RNF17: variants seen among roughly 807,000 people sequenced by gnomAD.
RNF17 encodes the protein spermatogenesis associated 23.
In RNF17, 31 loss-of-function variants were observed where a neutral mutation model predicts 200.5. That is an observed-to-expected ratio of 0.15 (90% CI 0.12 to 0.21). The LOEUF is 0.21. Among genes scored for constraint, RNF17 ranks in the 10% least tolerant of loss-of-function variants. The probability of loss-of-function intolerance (pLI) is 1.00; values close to 1 mark genes in which losing one functional copy is unlikely to be tolerated. For synonymous variants in RNF17, 606 were observed against 637.8 expected (o/e 0.95, Z 0.75); for missense variants, 1,628 against 1,905.1 (o/e 0.85, Z 2.71).
rs1555262370 is a variant in RNF17 at position 24,764,888 on chromosome 13, G to GGTGTGGGT, written c.130+560_130+561insGGTGTGTG. 3.4e-4 allele frequency among the ~76,000 whole-genome samples: 45 copies of GGTGTGGGT among 134,174 alleles called. No homozygotes were observed. In the East Asian group the frequency reaches 4.5e-3, roughly 13 times the overall value. The allele number at this position is 134,174 out of a possible 152,430, so 88.0% of individuals were successfully genotyped here. On this transcript the variant is annotated intron_variant, in intron 1 of 35. Transcript: ENST00000255324. The stretch of plus-strand genomic sequence containing the variant: ...ATAGTTTCTTTTGTGCACCTTGTGG[G>GGTGTGGGT]GTGTGTGTGTGTGTGTGTGTGTGTG...
chr13:24,799,008 G>A (rs1434853207), intron 11 of RNF17, among the ~76,000 whole-genome samples: 1 of 152,160 alleles, frequency 6.6e-6, no homozygotes, highest in East Asian at 1.9e-4. Flanking sequence ...CAGTGTACAT[G>A]TGTACATCAC....
At chr13:24,847,024 A>ATT (rs71186852) in intron 22 of RNF17, among the ~76,000 whole-genome samples, 63,749 of 149,730 alleles carry the variant, frequency 0.43, 13,692 homozygotes, top group South Asian at 0.51. Context: ...CCTGTGTGTG[A>ATT]TTTTTTTTTT....
At chr13:24,820,770 T>G (rs145472741) in intron 15 of RNF17, among the ~76,000 whole-genome samples, 112 of 152,266 alleles carry the variant, frequency 7.4e-4, no homozygotes, top group Non-Finnish European at 1.2e-3. Flanking sequence ...GAAACTGACT[T>G]ATAATCTTCT....
Position 24,827,659 on chromosome 13 carries a change from G to A in RNF17, c.2245+1887G>A, listed in dbSNP as rs543413237. ...GGAGCTTGCAGTGAGCCGAGATCCC[G>A]CCACTGCACTCCAGCCTGGGCGACA... On this transcript the variant is annotated intron_variant, in intron 16 of 35. Coordinates refer to ENST00000255324, the MANE Select transcript of RNF17 (RefSeq NM_031277.3). Among the ~76,000 whole-genome samples the A allele has an allele frequency of 1.8e-3, 205 of 112,606 alleles. 2 individuals are homozygous for A. The East Asian group carries it at 0.029, about 16-fold the overall frequency. The allele number at this position is 112,606 out of a possible 152,430, so 73.9% of individuals were successfully genotyped here.
At chr13:24,783,936 G>T (rs1303838637) in intron 6 of RNF17, among the ~76,000 whole-genome samples, 1 of 152,200 alleles carries the variant, frequency 6.6e-6, no homozygotes, top group Non-Finnish European at 1.5e-5. Context: ...GCAAAAGCAG[G>T]TACGTCTTGT....
At chr13:24,808,269 T>C (rs1886142808) in intron 15 of RNF17, among the ~76,000 whole-genome samples, 1 of 152,056 alleles carries the variant, frequency 6.6e-6, no homozygotes, top group South Asian at 2.1e-4. Flanking sequence ...TGATTCTTCC[T>C]GCCCATGAGC....
At chr13:24,861,508 C>T in intron 27 of RNF17, 121 bp downstream of exon 27, 2 of 642,490 alleles carry the variant, frequency 3.1e-6, no homozygotes, top group Non-Finnish European at 4.7e-6. Flanking sequence ...AATAAAACAC[C>T]AACAAATAAG....
At chr13:24,827,782 G>A (rs1188714178) in intron 16 of RNF17, among the ~76,000 whole-genome samples, 3 of 148,952 alleles carry the variant, frequency 2.0e-5, no homozygotes, top group Non-Finnish European at 4.5e-5. Context: ...CCAAGATCAA[G>A]GCACTGTCTT....
intron 29 of RNF17, among the ~76,000 whole-genome samples, chr13:24,865,504 A>G (rs1277830536): frequency 6.6e-6 from 1 of 152,192 alleles, no homozygotes; most frequent in African/African-American, 2.4e-5. Flanking sequence ...AGCCTGTTAC[A>G]AGATATGGTT....
At chr13:24,797,160 G>A (rs1884673419) in intron 11 of RNF17, among the ~76,000 whole-genome samples, 1 of 152,168 alleles carries the variant, frequency 6.6e-6, no homozygotes, top group Admixed American at 6.5e-5. Context: ...AGTTTTTGTG[G>A]TTGCAAATAA....
chr13:24,850,332 C>T lies in RNF17; in HGVS notation c.3102-9C>T, dbSNP rs1326283872. On this transcript the variant is annotated splice_polypyrimidine_tract_variant and intron_variant, in intron 22 of 35. Transcript: ENST00000255324. ...TTATAAAACAAGTTGCCACTGTTTT[C>T]TGTTGTAGACCAGCTGGTGGGAGTG... is the stretch of plus-strand genomic sequence containing the variant. 2.5e-6 allele frequency: 4 copies of T among 1,595,778 alleles called. No homozygotes were observed. In the Admixed American group the frequency reaches 6.7e-5, roughly 27 times the overall value.
chr13:24,763,298 G>A (rs1287583802), upstream of RNF17, among the ~76,000 whole-genome samples: 2 of 150,388 alleles, frequency 1.3e-5, no homozygotes, highest in Non-Finnish European at 2.9e-5. Context: ...CGCCTCCCAG[G>A]TTCACGCCAT....
In RNF17 at chr13:24,824,985, C is replaced by T. The variant is rs1852445240; in HGVS notation, c.2092-634C>T. Among the ~76,000 whole-genome samples, 4 of 152,232 alleles carry T rather than the reference C, an allele frequency of 2.6e-5. No individual in the cohort carries two copies. The South Asian group carries it at 8.3e-4, about 32-fold the overall frequency. On this transcript the variant is annotated intron_variant, in intron 15 of 35. Coordinates refer to ENST00000255324, the MANE Select transcript of RNF17 (RefSeq NM_031277.3). ...CAAACCCTTAGGAGTAACTTTCAGC[C>T]TTTGGAAAATTCAGCAGATAGACCT...
Position 24,779,699 on chromosome 13 carries a change from A to G in RNF17, c.462A>G (p.Ala154=), listed in dbSNP as rs1882089767. ...DTNTAEEIDE[A]LNTAHHSFEQ... is the part of the protein sequence containing the mutation. ...ATACTGCAGAAGAAATTGATGAAGC[A>G]TTGAATACAGCACACCATAGTTTCG... The change falls in exon 5 of 36, where the codon GCA becomes GCG. Residue 154 remains alanine, a synonymous_variant. Coordinates refer to ENST00000255324, the MANE Select transcript of RNF17 (RefSeq NM_031277.3). 6.2e-7 allele frequency: 1 copy of G among 1,613,528 alleles called. No homozygotes were observed. The highest frequency in any genetic ancestry group is 1.3e-5 in the African/African-American group (1 of 74,918).
At chr13:24,776,775 C>T (rs1881626770) in intron 3 of RNF17, among the ~76,000 whole-genome samples, 2 of 152,176 alleles carry the variant, frequency 1.3e-5, no homozygotes, top group African/African-American at 4.8e-5. Flanking sequence ...AGTTCCTACT[C>T]AGCTGTAGCC....
At chr13:24,877,713 G>A (rs1046661329) in intron 34 of RNF17, among the ~76,000 whole-genome samples, 1 of 152,080 alleles carries the variant, frequency 6.6e-6, no homozygotes, top group African/African-American at 2.4e-5. Flanking sequence ...AAGAAAGAAT[G>A]GTAGTTCTGC....
intron 10 of RNF17, 149 bp from the exon 11 acceptor site, chr13:24,795,988 C>T (rs139497626): frequency 5.2e-4 from 245 of 471,080 alleles, no homozygotes; most frequent in African/African-American, 4.1e-3. Flanking sequence ...TCATTTAGGG[C>T]TTGCACTACT....
At chr13:24,847,597 C>T (rs978087568) in intron 22 of RNF17, among the ~76,000 whole-genome samples, 1 of 152,286 alleles carries the variant, frequency 6.6e-6, no homozygotes, top group Non-Finnish European at 1.5e-5. Context: ...GTGTCTGCCT[C>T]GGCCTCCCAA....
Position 24,877,200 on chromosome 13 carries a change from G to A in RNF17, c.4773+14G>A, listed in dbSNP as rs1308868942. The A allele has an allele frequency of 1.4e-5, 22 of 1,598,564 alleles. No individual in the cohort carries two copies. The highest frequency in any genetic ancestry group is 1.8e-5 in the Non-Finnish European group (21 of 1,173,580). On this transcript the variant is annotated intron_variant, in intron 34 of 35. Coordinates refer to ENST00000255324, the MANE Select transcript of RNF17 (RefSeq NM_031277.3). ...GCTGTGTCCATGGTAAGTGTCTCAA[G>A]TAGCCAAAATTATTGTAAAGCTATT...
Sources: gnomAD v4.1 joint callset for allele counts (sites outside exome capture counted in the v4.1 genomes callset) on GRCh38, gnomAD v4.1.1 for gene constraint, MANE v1.5 for transcripts, NCBI Gene and HGNC (gene_info 2026-07-23, HGNC 2026-07-21) for gene names.